MORC1: variants seen among roughly 807,000 people sequenced by gnomAD.
MORC1 encodes MORC family CW-type zinc finger protein 1.
MORC1 carries 59 observed loss-of-function variants against 134.9 expected under a neutral mutation model. That is an observed-to-expected ratio of 0.44 (90% CI 0.35 to 0.54). MORC1 has a LOEUF of 0.54. Among genes scored for constraint, MORC1 ranks in the 20% least tolerant of loss-of-function variants. MORC1 has a pLI of 0.00. For synonymous variants in MORC1, 395 were observed against 391.7 expected, an observed-to-expected ratio of 1.01 and a Z score of -0.10; for missense variants, 947 against 1,134.5, an observed-to-expected ratio of 0.83 and a Z score of 2.37.
intron 22 of MORC1, among the ~76,000 whole-genome samples, chr3:108,986,584 A>C (rs961616594): frequency 5.9e-5 from 9 of 152,112 alleles, no homozygotes; most frequent in African/African-American, 1.9e-4. Context: ...CCTAATCAAA[A>C]TTAGAAGGAG....
At chr3:109,036,355 C>T (rs1354498594) in intron 14 of MORC1, among the ~76,000 whole-genome samples, 5 of 151,986 alleles carry the variant, frequency 3.3e-5, no homozygotes, top group South Asian at 2.1e-4. Context: ...TATAAAATTG[C>T]GATGCACATT....
At chr3:109,056,412 A>T (rs1200265926) in intron 13 of MORC1, among the ~76,000 whole-genome samples, 1 of 152,090 alleles carries the variant, frequency 6.6e-6, no homozygotes, top group African/African-American at 2.4e-5. Flanking sequence ...TATTTCTAGT[A>T]GAGACGGGGT....
intron 8 of MORC1, among the ~76,000 whole-genome samples, chr3:109,075,710 T>C (rs1248423183): frequency 6.6e-6 from 1 of 152,182 alleles, no homozygotes; most frequent in African/African-American, 2.4e-5. Context: ...AGCCTTGTAG[T>C]ATAGTTTGAA....
At chr3:108,991,533 A>T (rs2107488476) in intron 21 of MORC1, among the ~76,000 whole-genome samples, 1 of 152,292 alleles carries the variant, frequency 6.6e-6, no homozygotes, top group East Asian at 1.9e-4. Context: ...CTTGATCTTC[A>T]TAGCCTTCTA....
At chr3:109,050,396 T>C (rs1349140044) in intron 14 of MORC1, among the ~76,000 whole-genome samples, 1 of 152,196 alleles carries the variant, frequency 6.6e-6, no homozygotes, top group Non-Finnish European at 1.5e-5. Flanking sequence ...GGTTCTTAGA[T>C]GGCTGTCTCT....
chr3:109,049,820 A>G (rs1949779469), intron 14 of MORC1, among the ~76,000 whole-genome samples: 3 of 152,336 alleles, frequency 2.0e-5, no homozygotes, highest in African/African-American at 7.2e-5. Flanking sequence ...TGAGGATCCC[A>G]TTTCAGTCAA....
intron 14 of MORC1, among the ~76,000 whole-genome samples, chr3:109,041,973 A>G (rs1949564706): frequency 6.6e-6 from 1 of 152,190 alleles, no homozygotes; most frequent in South Asian, 2.1e-4. Flanking sequence ...AAAAGTGAAC[A>G]GAGCCTAAGA....
chr3:109,083,925 T>C lies in MORC1; in HGVS notation c.689+9511A>G, dbSNP rs573048913. On this transcript the variant is annotated intron_variant, in intron 8 of 27. Transcript: ENST00000232603. ...GGAGAAAACCCTAGGATCATTTCAATTGATGATGAAAAATCATTCAAGAAA... is the reference window on the plus strand; with the variant it reads ...GGAGAAAACCCTAGGATCATTTCAACTGATGATGAAAAATCATTCAAGAAA... Among the ~76,000 whole-genome samples, 7 of 152,326 alleles carry C rather than the reference T, an allele frequency of 4.6e-5. No homozygotes were observed. In the South Asian group the frequency reaches 1.0e-3, roughly 23 times the overall value.
At chr3:108,971,434 A>G (rs1947376993) in intron 24 of MORC1, 32 bp from the exon 25 acceptor site, 2 of 1,577,548 alleles carry the variant, frequency 1.3e-6, no homozygotes, top group African/African-American at 2.7e-5. Flanking sequence ...ATATGGGAAT[A>G]TACTAGGATA....
At chr3:109,114,943 T>C (rs72937321) in intron 1 of MORC1, among the ~76,000 whole-genome samples, 2,033 of 152,362 alleles carry the variant, frequency 0.013, 29 homozygotes, top group African/African-American at 0.036. Flanking sequence ...CTGAAAAGCC[T>C]GCTCCTTACA....
intron 8 of MORC1, among the ~76,000 whole-genome samples, chr3:109,079,268 A>C (rs1435101705): frequency 6.6e-6 from 1 of 152,118 alleles, no homozygotes; most frequent in Non-Finnish European, 1.5e-5. Context: ...ATAATACATC[A>C]TGATCTTGTT....
At chr3:109,099,231 T>C in intron 6 of MORC1, 127 bp downstream of exon 6, 1 of 656,046 alleles carries the variant, frequency 1.5e-6, no homozygotes, top group Non-Finnish European at 2.5e-6. Flanking sequence ...TTCTCTCCAT[T>C]TCCCAAACAT....
chr3:109,003,391 G>GCACACACACACA lies in MORC1; in HGVS notation c.2085+1414_2085+1425dup, dbSNP rs3054383. Among the ~76,000 whole-genome samples the GCACACACACACA allele has an allele frequency of 1.9e-3, 273 of 146,752 alleles. 7 individuals carry two copies. Among genetic ancestry groups the GCACACACACACA allele is most frequent in the Non-Finnish European group, 2.9e-3 (193 of 66,848 alleles). ...ATAGCTTTACATATTATATGTGTAT[G>GCACACACACACA]CACACACACACACACACACACACAC... is the stretch of plus-strand genomic sequence containing the variant. On this transcript the variant is annotated intron_variant, in intron 20 of 27. Transcript: ENST00000232603.
chr3:108,958,896 AG>A lies in MORC1; in HGVS notation c.*68del. 1 of 1,197,890 alleles carries A rather than the reference AG, an allele frequency of 8.3e-7. No homozygotes were observed. The highest frequency in any genetic ancestry group is 2.8e-5 in the East Asian group (1 of 35,926). The allele number at this position is 1,197,890 out of a possible 1,614,324, so 74.2% of individuals were successfully genotyped here. A position where few individuals can be genotyped will look rare whatever the true frequency, so the allele number is the denominator to read the frequency against. Reference sequence around the variant, plus strand: ...GACTTTACAGTAACAACAACAAAAAAGAAAAATTTTTAAAAGAATCTTCCAA... The same window carrying A: ...GACTTTACAGTAACAACAACAAAAAAAAAAATTTTTAAAAGAATCTTCCAA... On this transcript the variant is annotated 3_prime_UTR_variant, in exon 28 of 28. Transcript: ENST00000232603.
intron 17 of MORC1, among the ~76,000 whole-genome samples, chr3:109,024,605 C>T (rs1260159327): frequency 6.6e-6 from 1 of 152,106 alleles, no homozygotes; most frequent in Non-Finnish European, 1.5e-5. Flanking sequence ...ATAGGGTGTG[C>T]AGGTTTAGGT....
At chr3:108,989,380 T>C (rs1399106409) in intron 21 of MORC1, among the ~76,000 whole-genome samples, 1 of 152,086 alleles carries the variant, frequency 6.6e-6, no homozygotes, top group African/African-American at 2.4e-5. Flanking sequence ...TAACATAGAG[T>C]TTAAGACATC....
intron 21 of MORC1, among the ~76,000 whole-genome samples, chr3:108,999,274 C>CTTGA (rs1948328628): frequency 6.6e-6 from 1 of 152,012 alleles, no homozygotes; most frequent in Non-Finnish European, 1.5e-5. Context: ...TTTTAACATC[C>CTTGA]CTTCAAAGGG....
intron 2 of MORC1, among the ~76,000 whole-genome samples, chr3:109,113,149 C>A (rs146526958): frequency 4.2e-4 from 64 of 152,296 alleles, no homozygotes; most frequent in Non-Finnish European, 7.9e-4. Flanking sequence ...ATAGGAGGAG[C>A]CTTGCTTCCA....
intron 21 of MORC1, among the ~76,000 whole-genome samples, chr3:108,990,974 A>G (rs911574255): frequency 6.6e-6 from 1 of 151,636 alleles, no homozygotes; most frequent in Non-Finnish European, 1.5e-5. Context: ...CTGATATTAT[A>G]TTACATATTT....
Sources: allele counts gnomAD v4.1 joint callset (sites outside exome capture counted in the v4.1 genomes callset), GRCh38; gene constraint gnomAD v4.1.1; transcripts MANE v1.5; gene names NCBI Gene and HGNC (gene_info 2026-07-23, HGNC 2026-07-21).